Variants in ASPH observed in about 807,000 individuals in gnomAD.
ASPH encodes the protein aspartate beta-hydroxylase, also known as aspartyl/asparaginyl beta-hydroxylase.
Under a neutral mutation model 118.4 loss-of-function variants are expected in ASPH, and 100 were observed. The observed-to-expected ratio is 0.84, with a 90% CI of 0.72 to 1.00. ASPH has a LOEUF of 1.00. ASPH is among the 50% of genes least tolerant of loss of function. The pLI is 0.00. For synonymous variants in ASPH, 315 were observed against 325.6 expected (o/e 0.97, Z 0.35); for missense variants, 920 against 919.5 (o/e 1.00, Z -0.01).
At chr8:61,669,137 G>A (rs1401613314) in intron 3 of ASPH, among the ~76,000 whole-genome samples, 2 of 152,168 alleles carry the variant, frequency 1.3e-5, no homozygotes, top group East Asian at 1.9e-4. Flanking sequence ...AAGGTCTAAG[G>A]TGTGGTCACA....
chr8:61,704,233 A>C (rs925085346), intron 1 of ASPH, among the ~76,000 whole-genome samples: 2 of 103,292 alleles, frequency 1.9e-5, no homozygotes, highest in African/African-American at 3.5e-5. Flanking sequence ...AAAAAAAAAA[A>C]CAGAGGGGCT....
At chr8:61,625,221 C>T (rs1470505202) in intron 13 of ASPH, 2 of 985,526 alleles carry the variant, frequency 2.0e-6, no homozygotes, top group Non-Finnish European at 2.4e-6. Context: ...CAAAATAAAC[C>T]ACATTAAATA....
chr8:61,674,812 A>G (rs1824451068), intron 3 of ASPH, among the ~76,000 whole-genome samples: 1 of 152,222 alleles, frequency 6.6e-6, no homozygotes, highest in Admixed American at 6.5e-5. Context: ...AATATTTGAA[A>G]AGTAGAAATT....
intron 14 of ASPH, 146 bp downstream of exon 14, chr8:61,618,832 T>C (rs1438298104): frequency 1.5e-6 from 1 of 647,286 alleles, no homozygotes. Flanking sequence ...TAATAAGTGT[T>C]CTTTGATAAA....
chr8:61,507,464 T>C (rs748706680), intron 24 of ASPH, among the ~76,000 whole-genome samples: 3 of 152,208 alleles, frequency 2.0e-5, no homozygotes, highest in African/African-American at 7.2e-5. Context: ...ATAATGTAGA[T>C]TTTTTAATGT....
intron 13 of ASPH, chr8:61,626,082 G>T (rs1852668733): frequency 2.4e-6 from 3 of 1,244,584 alleles, no homozygotes; most frequent in South Asian, 8.2e-5. Context: ...TTAGAAATGT[G>T]TGTTTCTAAA....
At chr8:61,608,757 T>G (rs1190474275) in intron 14 of ASPH, among the ~76,000 whole-genome samples, 1 of 151,936 alleles carries the variant, frequency 6.6e-6, no homozygotes, top group Non-Finnish European at 1.5e-5. Context: ...GCACCTAGAG[T>G]GATGAAATCA....
intron 14 of ASPH, among the ~76,000 whole-genome samples, chr8:61,614,077 T>A (rs1848277043): frequency 1.3e-5 from 2 of 152,166 alleles, no homozygotes; most frequent in South Asian, 4.1e-4. Flanking sequence ...TTAGTGTAAA[T>A]GTGATTTGTT....
intron 9 of ASPH, 136 bp downstream of exon 9, chr8:61,643,249 TA>T: frequency 2.4e-6 from 2 of 826,576 alleles, no homozygotes; most frequent in Non-Finnish European, 3.6e-6. Context: ...AACTTTGTTA[TA>T]AAACAAAATC....
At position 61,569,606 on chromosome 8, in the gene ASPH, A is replaced by AC. The variant is rs1233879264; in HGVS notation, c.1150-2289_1150-2288insG. On this transcript the variant is annotated intron_variant, in intron 16 of 24. Coordinates refer to ENST00000379454, the MANE Select transcript of ASPH (RefSeq NM_004318.4). ...TTTTTCACAAAATAAGACATCAATG[A>AC]AATAACTTGATAATATGAACTGATT... Among the ~76,000 whole-genome samples the AC allele has an allele frequency of 5.1e-4, 78 of 152,298 alleles. 1 individual carries two copies. The highest frequency in any genetic ancestry group is 1.8e-3 in the African/African-American group (74 of 41,558).
intron 15 of ASPH, chr8:61,579,149 G>A: frequency 6.2e-7 from 1 of 1,611,942 alleles, no homozygotes; most frequent in South Asian, 1.1e-5. Flanking sequence ...TCTCTGAGAT[G>A]AACTGGAACA....
intron 16 of ASPH, among the ~76,000 whole-genome samples, chr8:61,574,958 G>A (rs1305142367): frequency 2.6e-5 from 4 of 152,096 alleles, no homozygotes; most frequent in African/African-American, 7.2e-5. Flanking sequence ...TTGCTTCCCT[G>A]CCCCAGCATG....
intron 24 of ASPH, among the ~76,000 whole-genome samples, chr8:61,509,495 G>A (rs1185248708): frequency 1.3e-5 from 2 of 152,186 alleles, no homozygotes; most frequent in East Asian, 3.9e-4. Flanking sequence ...TCACTCTCAT[G>A]GTCATCTTGG....
intron 19 of ASPH, among the ~76,000 whole-genome samples, chr8:61,554,389 G>T (rs1471528349): frequency 6.6e-6 from 1 of 152,132 alleles, no homozygotes; most frequent in Non-Finnish European, 1.5e-5. Flanking sequence ...AAACATGCAA[G>T]CTATTTGCAA....
At chr8:61,665,885 T>C (rs777373677) in intron 3 of ASPH, among the ~76,000 whole-genome samples, 43 of 152,090 alleles carry the variant, frequency 2.8e-4, no homozygotes, top group Non-Finnish European at 5.3e-4. Context: ...TATTATAAAA[T>C]TGAGGGCACC....
chr8:61,524,618 T>C (rs1216696672), intron 22 of ASPH, among the ~76,000 whole-genome samples: 1 of 152,242 alleles, frequency 6.6e-6, no homozygotes, highest in Non-Finnish European at 1.5e-5. Flanking sequence ...GAAAATCAGG[T>C]ATATTCCACC....
intron 12 of ASPH, among the ~76,000 whole-genome samples, chr8:61,636,664 A>G (rs1385150503): frequency 1.3e-5 from 2 of 152,232 alleles, no homozygotes; most frequent in African/African-American, 4.8e-5. Context: ...GTCTTAGGAA[A>G]AAACTATTTC....
rs547038487 is a variant in ASPH at position 61,635,648 on chromosome 8, T to C, written c.890-1921A>G. ...TAATAATAGTTTTCTTCTCTATAAA[T>C]GGCCCCATCATCTAATAGTTACTGA... On this transcript the variant is annotated intron_variant, in intron 12 of 24. Coordinates refer to ENST00000379454, the MANE Select transcript of ASPH (RefSeq NM_004318.4). 1.4e-4 allele frequency among the ~76,000 whole-genome samples: 21 copies of C among 152,246 alleles called. 1 individual carries two copies. The East Asian group carries it at 3.7e-3, about 27-fold the overall frequency.
intron 24 of ASPH, among the ~76,000 whole-genome samples, chr8:61,512,015 C>G (rs1409854503): frequency 6.6e-6 from 1 of 152,138 alleles, no homozygotes; most frequent in East Asian, 1.9e-4. Flanking sequence ...GGAAACAAAA[C>G]CCAGCATTTG....
Sources: allele counts gnomAD v4.1 joint callset (sites outside exome capture counted in the v4.1 genomes callset), GRCh38; gene constraint gnomAD v4.1.1; transcripts MANE v1.5; gene names NCBI Gene and HGNC (gene_info 2026-07-23, HGNC 2026-07-21).